Variants in CUX1 observed in about 807,000 individuals in gnomAD.
CUX1 encodes the protein cut like homeobox 1.
A neutral mutation model predicts 158.8 loss-of-function variants in CUX1; 31 were observed. The observed-to-expected ratio is 0.20, with a 90% confidence interval of 0.15 to 0.26. The LOEUF (loss-of-function observed/expected upper bound fraction) is 0.26. Among genes scored for constraint, CUX1 ranks in the 10% least tolerant of loss-of-function variants. The pLI is 1.00. For synonymous variants in CUX1, 879 were observed against 862.1 expected (o/e 1.02, Z -0.34); for missense variants, 1,589 against 2,014.6 (o/e 0.79, Z 4.04).
intron 1 of CUX1, among the ~76,000 whole-genome samples, chr7:101,885,276 AG>A (rs1007735237): frequency 1.6e-4 from 24 of 152,286 alleles, no homozygotes; most frequent in Middle Eastern, 6.8e-3. Context: ...CCAAGTGCCC[AG>A]ATTCCCCCCT....
At chr7:102,236,431 T>G (rs1233598640) in intron 22 of CUX1, among the ~76,000 whole-genome samples, 28 of 152,240 alleles carry the variant, frequency 1.8e-4, no homozygotes, top group Admixed American at 1.8e-3. Context: ...GTTTTCAACT[T>G]ATTTTTCGTT....
chr7:101,827,039 T>C (rs1430438543), intron 1 of CUX1, among the ~76,000 whole-genome samples: 1 of 152,216 alleles, frequency 6.6e-6, no homozygotes, highest in African/African-American at 2.4e-5. Flanking sequence ...TTCAGTCCCA[T>C]TAATTATCTT....
chr7:102,028,074 C>A (rs1460401551), intron 2 of CUX1, 24 bp from the exon 3 acceptor site: 2 of 1,611,936 alleles, frequency 1.2e-6, no homozygotes, highest in African/African-American at 2.7e-5. Context: ...ATGGCTGCTT[C>A]CTGACCTCCG....
At chr7:102,116,075 C>G (rs1554491721) in intron 8 of CUX1, among the ~76,000 whole-genome samples, 2 of 152,216 alleles carry the variant, frequency 1.3e-5, no homozygotes, top group African/African-American at 4.8e-5. Flanking sequence ...TCCCCGCACT[C>G]TGCTCACACA....
intron 2 of CUX1, among the ~76,000 whole-genome samples, chr7:101,925,035 C>A (rs1162739332): frequency 6.6e-6 from 1 of 152,156 alleles, no homozygotes; most frequent in Non-Finnish European, 1.5e-5. Flanking sequence ...AGTGAAAAGC[C>A]CAGCCTCATT....
At chr7:101,930,868 G>A (rs994393316) in intron 2 of CUX1, among the ~76,000 whole-genome samples, 8 of 152,146 alleles carry the variant, frequency 5.3e-5, no homozygotes, top group Non-Finnish European at 1.0e-4. Flanking sequence ...AGGCTGAGGC[G>A]GACGGGTCAC....
intron 2 of CUX1, among the ~76,000 whole-genome samples, chr7:101,998,200 G>A (rs1816211924): frequency 6.6e-6 from 1 of 152,122 alleles, no homozygotes; most frequent in Non-Finnish European, 1.5e-5. Flanking sequence ...TTTACCAGAT[G>A]TGTGCAGTGT....
intron 2 of CUX1, among the ~76,000 whole-genome samples, chr7:102,011,192 A>G (rs769071512): frequency 6.6e-6 from 1 of 151,896 alleles, no homozygotes. Flanking sequence ...TGGATATATC[A>G]TTGTATGGTG....
intron 18 of CUX1, chr7:102,278,190 T>C: frequency 3.4e-6 from 2 of 581,520 alleles, no homozygotes; most frequent in Non-Finnish European, 5.9e-6. Flanking sequence ...CAGAGACCCC[T>C]GAGGCCTTCC....
intron 4 of CUX1, among the ~76,000 whole-genome samples, chr7:102,094,780 T>C (rs949520669): frequency 1.3e-5 from 2 of 152,188 alleles, no homozygotes. Context: ...TAAATCGTGG[T>C]TCTGTACAAA....
chr7:101,979,443 C>A (rs1262197838), intron 2 of CUX1, among the ~76,000 whole-genome samples: 4 of 152,212 alleles, frequency 2.6e-5, no homozygotes, highest in African/African-American at 9.7e-5. Flanking sequence ...ATTAGATTAA[C>A]ATTGTCACTA....
intron 2 of CUX1, among the ~76,000 whole-genome samples, chr7:101,939,575 T>C (rs1248327954): frequency 6.6e-6 from 1 of 152,130 alleles, no homozygotes; most frequent in Non-Finnish European, 1.5e-5. Flanking sequence ...TTCATGCCTG[T>C]AATCCCAGTA....
At chr7:101,942,113 C>T (rs955387820) in intron 2 of CUX1, among the ~76,000 whole-genome samples, 1 of 152,142 alleles carries the variant, frequency 6.6e-6, no homozygotes, top group Non-Finnish European at 1.5e-5. Context: ...AAGCACTGTT[C>T]ACCTACCTTT....
chr7:101,928,179 G>T (rs1805841108), intron 2 of CUX1, among the ~76,000 whole-genome samples: 1 of 152,056 alleles, frequency 6.6e-6, no homozygotes. Flanking sequence ...TCACGTCTAA[G>T]CCTCTATTTT....
chr7:101,943,385 G>A (rs1807956816), intron 2 of CUX1, among the ~76,000 whole-genome samples: 1 of 152,102 alleles, frequency 6.6e-6, no homozygotes, highest in African/African-American at 2.4e-5. Context: ...GGGATTACAG[G>A]TGTGAGCCAC....
At position 102,250,812 on chromosome 7, in the gene CUX1, G is replaced by C; in HGVS notation, c.*1770G>C. ...CGTGTGCGTGTGTGCAATTTTATAC[G>C]TCTGTGTATTTTCTTAAGTACCTGT... On this transcript the variant is annotated 3_prime_UTR_variant, in exon 24 of 24. Transcript: ENST00000292535. 8 of 985,340 alleles carry C rather than the reference G, an allele frequency of 8.1e-6. No individual in the cohort carries two copies. Among genetic ancestry groups the C allele is most frequent in the Non-Finnish European group, 8.4e-6 (7 of 829,922 alleles). The allele number at this position is 985,340 out of a possible 1,614,324, so 61.0% of individuals were successfully genotyped here.
chr7:102,189,960 G>A, intron 12 of CUX1, 89 bp downstream of exon 12: 1 of 1,411,836 alleles, frequency 7.1e-7, no homozygotes, highest in Non-Finnish European at 9.9e-7. Context: ...AGGAAGCCTT[G>A]GCCCCCTGCC....
At chr7:101,937,509 C>CTT (rs568227733) in intron 2 of CUX1, among the ~76,000 whole-genome samples, 1 of 141,852 alleles carries the variant, frequency 7.0e-6, no homozygotes, top group Non-Finnish European at 1.6e-5. Context: ...AAAATCAAGT[C>CTT]TTTTTTTTTT....
At chr7:101,821,862 T>TG (rs1221212824) in intron 1 of CUX1, among the ~76,000 whole-genome samples, 12 of 138,694 alleles carry the variant, frequency 8.7e-5, no homozygotes, top group African/African-American at 1.9e-4. Flanking sequence ...TTTTTGTTTT[T>TG]TTTTTTTTTT....
Sources: gnomAD v4.1 joint callset for allele counts (sites outside exome capture counted in the v4.1 genomes callset) on GRCh38, gnomAD v4.1.1 for gene constraint, MANE v1.5 for transcripts, NCBI Gene and HGNC (gene_info 2026-07-23, HGNC 2026-07-21) for gene names.